Variants in GARIN1B observed in about 807,000 individuals in gnomAD.
GARIN1B encodes Golgi-associated RAB2 interactor protein 1B.
At chr7:128,709,546 C>T in the GARIN1B span, among the ~76,000 whole-genome samples, 1 of 152,150 alleles carries the variant, frequency 6.6e-6, no homozygotes, top group Non-Finnish European at 1.5e-5. Context: ...AACATTCTTT[C>T]TCCATTGTTT....
chr7:128,715,710 A>C, the GARIN1B span: 1 of 1,588,862 alleles, frequency 6.3e-7, no homozygotes, highest in African/African-American at 1.3e-5. Flanking sequence ...GGTGGCGCAG[A>C]ATAGCACTCT....
the GARIN1B span, among the ~76,000 whole-genome samples, chr7:128,719,453 A>T: frequency 0.37 from 56,610 of 151,170 alleles, 10,770 homozygotes; most frequent in African/African-American, 0.42. Flanking sequence ...CCTAAAAAAT[A>T]CCCCCTCGCC....
chr7:128,709,746 CTCTCTTTTTTTTT>C, the GARIN1B span, among the ~76,000 whole-genome samples: 1 of 25,792 alleles, frequency 3.9e-5, no homozygotes, highest in South Asian at 1.9e-3. Flanking sequence ...CTCTCTCTCT[CTCTCTTTTTTTTT>C]TTTTTTTTTT....
At chr7:128,726,216 G>A in the GARIN1B span, among the ~76,000 whole-genome samples, 1 of 152,238 alleles carries the variant, frequency 6.6e-6, no homozygotes, top group South Asian at 2.1e-4. Context: ...TTTTGAAAAG[G>A]TCATGCTAGC....
the GARIN1B span, chr7:128,729,846 C>G: frequency 3.8e-6 from 6 of 1,576,846 alleles, no homozygotes; most frequent in Admixed American, 5.1e-5. Flanking sequence ...CAGCTGTAAC[C>G]TGTAAGGGCT....
chr7:128,724,209 C>A, the GARIN1B span, among the ~76,000 whole-genome samples: 8 of 152,086 alleles, frequency 5.3e-5, no homozygotes, highest in Non-Finnish European at 1.2e-4. Flanking sequence ...CAGGGTTTCA[C>A]CATGCTGGCC....
chr7:128,722,675 A>G, the GARIN1B span, among the ~76,000 whole-genome samples: 82 of 152,128 alleles, frequency 5.4e-4, no homozygotes, highest in Non-Finnish European at 9.7e-4. Context: ...GTGGTGGCAG[A>G]CACCTGTAGT....
chr7:128,717,737 G>A, the GARIN1B span, among the ~76,000 whole-genome samples: 12 of 146,636 alleles, frequency 8.2e-5, no homozygotes, highest in South Asian at 2.4e-3. Context: ...GTGAGCCACT[G>A]TGCCCGGCCA....
the GARIN1B span, chr7:128,730,991 A>G: frequency 9.9e-7 from 1 of 1,009,512 alleles, no homozygotes; most frequent in Non-Finnish European, 1.6e-6. Context: ...GATACCTATT[A>G]TAGATAGTTG....
At chr7:128,729,564 A>C in the GARIN1B span, among the ~76,000 whole-genome samples, 1 of 152,206 alleles carries the variant, frequency 6.6e-6, no homozygotes. Flanking sequence ...CAGCTAGATG[A>C]GTCTCCTGGG....
chr7:128,726,907 C>T, the GARIN1B span: 7 of 1,582,026 alleles, frequency 4.4e-6, no homozygotes, highest in Non-Finnish European at 6.1e-6. Flanking sequence ...CCTCAAAGAG[C>T]TTTCTACTCT....
chr7:128,721,973 T>C, the GARIN1B span, among the ~76,000 whole-genome samples: 1 of 152,198 alleles, frequency 6.6e-6, no homozygotes, highest in Non-Finnish European at 1.5e-5. Flanking sequence ...ACGGTGTATA[T>C]ACTTATTTTT....
chr7:128,710,762 G>A, the GARIN1B span, among the ~76,000 whole-genome samples: 3 of 150,756 alleles, frequency 2.0e-5, no homozygotes, highest in South Asian at 6.3e-4. Context: ...TGGGCTCACC[G>A]CAACCTCCGC....
the GARIN1B span, among the ~76,000 whole-genome samples, chr7:128,719,321 T>C: frequency 6.6e-6 from 1 of 152,190 alleles, no homozygotes; most frequent in East Asian, 1.9e-4. Flanking sequence ...TATTGTTTTA[T>C]AAAATCCACC....
chr7:128,718,888 G>GC, the GARIN1B span: 1 of 1,614,032 alleles, frequency 6.2e-7, no homozygotes, highest in Non-Finnish European at 8.5e-7. Flanking sequence ...AACGCATCCT[G>GC]CAGTTGAGGA....
At chr7:128,731,122 T>G in the GARIN1B span, 1 of 1,610,222 alleles carries the variant, frequency 6.2e-7, no homozygotes, top group South Asian at 1.1e-5. Context: ...GAGCCACCCT[T>G]CCGCACTGGG....
chr7:128,725,399 C>T, the GARIN1B span, among the ~76,000 whole-genome samples: 2 of 151,616 alleles, frequency 1.3e-5, no homozygotes, highest in South Asian at 2.1e-4. Flanking sequence ...TTTTTTGAGA[C>T]AGTCTCACTC....
chr7:128,717,039 G>A, the GARIN1B span: 3 of 1,531,222 alleles, frequency 2.0e-6, no homozygotes, highest in Non-Finnish European at 2.7e-6. Context: ...AGGGGTGAGG[G>A]GTGGATGCAA....
At chr7:128,719,620 T>C in the GARIN1B span, among the ~76,000 whole-genome samples, 1 of 152,130 alleles carries the variant, frequency 6.6e-6, no homozygotes, top group East Asian at 1.9e-4. Flanking sequence ...CATTTTTCAG[T>C]TTCATCCATA....
Sources: allele counts gnomAD v4.1 joint callset (sites outside exome capture counted in the v4.1 genomes callset), GRCh38; gene constraint gnomAD v4.1.1; transcripts MANE v1.5; gene names NCBI Gene and HGNC (gene_info 2026-07-23, HGNC 2026-07-21).